Variants in PRKAR2A observed in about 807,000 individuals in gnomAD.
The protein encoded by PRKAR2A is cAMP-dependent protein kinase type II-alpha regulatory subunit.
In PRKAR2A, 29 loss-of-function variants were observed where a neutral mutation model predicts 51.9. The ratio of observed to expected loss-of-function variants is 0.56; its 90% confidence interval spans 0.42 to 0.76. PRKAR2A has a LOEUF of 0.76. Among genes scored for constraint, PRKAR2A ranks in the 30% least tolerant of loss-of-function variants. PRKAR2A has a pLI of 0.00. For synonymous variants in PRKAR2A, 178 were observed against 186.2 expected, an observed-to-expected ratio of 0.96 and a Z score of 0.36; for missense variants, 445 against 512.1, an observed-to-expected ratio of 0.87 and a Z score of 1.26.
At chr3:48,791,547 T>G (rs1280734138) in intron 3 of PRKAR2A, among the ~76,000 whole-genome samples, 2 of 124,818 alleles carry the variant, frequency 1.6e-5, no homozygotes, top group Admixed American at 1.0e-4. Context: ...TGAGCCAAGA[T>G]CGTACCACTG....
intron 1 of PRKAR2A, among the ~76,000 whole-genome samples, chr3:48,810,983 C>G (rs2082761514): frequency 6.6e-6 from 1 of 151,784 alleles, no homozygotes; most frequent in South Asian, 2.1e-4. Context: ...TTGAGACCAG[C>G]CCGCACAACA....
intron 8 of PRKAR2A, among the ~76,000 whole-genome samples, chr3:48,760,456 A>T (rs2107217538): frequency 6.6e-6 from 1 of 152,180 alleles, no homozygotes; most frequent in African/African-American, 2.4e-5. Flanking sequence ...TGGGAGGATC[A>T]CTTGAGGTCA....
At chr3:48,832,097 C>A (rs2083198181) in intron 1 of PRKAR2A, among the ~76,000 whole-genome samples, 1 of 151,910 alleles carries the variant, frequency 6.6e-6, no homozygotes, top group Admixed American at 6.6e-5. Context: ...AGTTCGAGAC[C>A]AGCCTAGCCA....
At chr3:48,807,435 G>A (rs887974893) in intron 2 of PRKAR2A, among the ~76,000 whole-genome samples, 8 of 151,980 alleles carry the variant, frequency 5.3e-5, no homozygotes, top group African/African-American at 1.4e-4. Context: ...TGACATAAAC[G>A]CAAAGAGACA....
chr3:48,808,795 G>A (rs2082723519), intron 1 of PRKAR2A, among the ~76,000 whole-genome samples: 1 of 127,234 alleles, frequency 7.9e-6, no homozygotes, highest in Non-Finnish European at 1.6e-5. Flanking sequence ...GGGATTACAG[G>A]CGTGAGCCAC....
At chr3:48,820,793 A>G (rs752026791) in intron 1 of PRKAR2A, among the ~76,000 whole-genome samples, 26 of 152,200 alleles carry the variant, frequency 1.7e-4, no homozygotes, top group Non-Finnish European at 3.1e-4. Context: ...ACAGCATTCC[A>G]GGCAGAAGGG....
intron 6 of PRKAR2A, among the ~76,000 whole-genome samples, chr3:48,767,172 C>A (rs932628172): frequency 6.6e-6 from 1 of 152,178 alleles, no homozygotes; most frequent in African/African-American, 2.4e-5. Context: ...TACATATATA[C>A]ATTTTGTCAG....
At chr3:48,765,938 G>A (rs1486484741) in intron 6 of PRKAR2A, among the ~76,000 whole-genome samples, 1 of 152,070 alleles carries the variant, frequency 6.6e-6, no homozygotes, top group East Asian at 1.9e-4. Context: ...TATGAAGGTT[G>A]GCTGAATGCA....
In PRKAR2A at chr3:48,799,820, T is replaced by C. The variant is rs137867271; in HGVS notation, c.299-5771A>G. On this transcript the variant is annotated intron_variant, in intron 2 of 10. Transcript: ENST00000265563. ...GTGCTTTGATGTTTCGACATGTATT[T>C]AATAAATAAAAGTTGGGCTTTTTTT... is the stretch of plus-strand genomic sequence containing the variant. Among the ~76,000 whole-genome samples, 1,034 of 152,304 alleles carry C rather than the reference T, an allele frequency of 6.8e-3. 15 individuals are homozygous for C. Among genetic ancestry groups the C allele is most frequent in the African/African-American group, 0.023 (960 of 41,578 alleles).
intron 5 of PRKAR2A, among the ~76,000 whole-genome samples, chr3:48,778,508 T>C (rs1012354329): frequency 3.3e-5 from 5 of 151,728 alleles, no homozygotes; most frequent in Non-Finnish European, 5.9e-5. Flanking sequence ...AAATGCTTTT[T>C]TGTGTGTTTT....
intron 5 of PRKAR2A, among the ~76,000 whole-genome samples, chr3:48,781,350 T>C (rs1408769954): frequency 6.6e-6 from 1 of 151,052 alleles, no homozygotes; most frequent in Non-Finnish European, 1.5e-5. Context: ...ATTTACAATT[T>C]TTTTTTTTTG....
intron 1 of PRKAR2A, among the ~76,000 whole-genome samples, chr3:48,824,604 A>AGAAC (rs1559643157): frequency 7.1e-6 from 1 of 141,332 alleles, no homozygotes; most frequent in Admixed American, 7.1e-5. Context: ...AAAGAAAGAA[A>AGAAC]GAACCCTGCA....
chr3:48,758,514 T>G (rs1388655386), intron 8 of PRKAR2A, among the ~76,000 whole-genome samples: 2 of 132,610 alleles, frequency 1.5e-5, no homozygotes, highest in Non-Finnish European at 3.1e-5. Flanking sequence ...ACCCAGGAGG[T>G]GGAGGTCGCA....
rs775514198 is a variant in PRKAR2A, at chr3:48,772,952, C to T, written c.696+3G>A. The T allele has an allele frequency of 9.9e-6, 16 of 1,610,114 alleles. No homozygotes were observed. In the South Asian group the frequency reaches 1.8e-4, roughly 18 times the overall value. On this transcript the variant is annotated splice_donor_region_variant and intron_variant, in intron 6 of 10. Coordinates refer to ENST00000265563, the MANE Select transcript of PRKAR2A (RefSeq NM_004157.4). ...TGCAAGGGGAACGATTTCTCTCACT[C>T]ACCAGTCCCCAAAGGGAGCCTTCTG... is the stretch of plus-strand genomic sequence containing the variant.
chr3:48,791,145 G>C (rs2082376406), intron 3 of PRKAR2A, among the ~76,000 whole-genome samples: 1 of 151,822 alleles, frequency 6.6e-6, no homozygotes, highest in African/African-American at 2.4e-5. Context: ...AAATTAGCTG[G>C]GCATGGTGGC....
chr3:48,780,594 C>T (rs1396591198), intron 5 of PRKAR2A, among the ~76,000 whole-genome samples: 1 of 141,790 alleles, frequency 7.1e-6, no homozygotes, highest in Non-Finnish European at 1.5e-5. Context: ...CAGAGCAAGA[C>T]TCCGTCTCAA....
intron 9 of PRKAR2A, among the ~76,000 whole-genome samples, chr3:48,755,146 G>C (rs1399359580): frequency 6.6e-6 from 1 of 151,240 alleles, no homozygotes; most frequent in African/African-American, 2.4e-5. Flanking sequence ...ACAGGCGCCC[G>C]CCACCATGCC....
At chr3:48,836,735 G>C (rs567842776) in intron 1 of PRKAR2A, among the ~76,000 whole-genome samples, 2 of 151,976 alleles carry the variant, frequency 1.3e-5, no homozygotes, top group South Asian at 4.1e-4. Flanking sequence ...CCAGCACTTT[G>C]GGAGGCCAAG....
Position 48,767,062 on chromosome 3 carries a change from T to C in PRKAR2A, c.697-1713A>G, listed in dbSNP as rs368984870. Among the ~76,000 whole-genome samples the C allele has an allele frequency of 3.9e-5, 6 of 152,314 alleles. No individual in the cohort carries two copies. In the East Asian group the frequency reaches 9.6e-4, roughly 24 times the overall value. Reference sequence around the variant, plus strand: ...GTGTACACATGTGCAGGGAGATACATGTGAGAATGTTAATTGCTTAGTCTT... The same window carrying C: ...GTGTACACATGTGCAGGGAGATACACGTGAGAATGTTAATTGCTTAGTCTT... On this transcript the variant is annotated intron_variant, in intron 6 of 10. Transcript: ENST00000265563.
Sources: gnomAD v4.1 joint callset for allele counts (sites outside exome capture counted in the v4.1 genomes callset) on GRCh38, gnomAD v4.1.1 for gene constraint, MANE v1.5 for transcripts, NCBI Gene and HGNC (gene_info 2026-07-23, HGNC 2026-07-21) for gene names.